The following ZNF398 variants were observed in gnomAD, a reference collection of about 807,000 sequenced individuals.
ZNF398 encodes the protein zinc finger protein 398, also known as zinc finger DNA binding protein ZER6.
Under a neutral mutation model 41.9 loss-of-function variants are expected in ZNF398, and 18 were observed. The ratio of observed to expected loss-of-function variants is 0.43; its 90% CI spans 0.30 to 0.64. The LOEUF (loss-of-function observed/expected upper bound fraction) is 0.64. ZNF398 is among the 30% of genes least tolerant of loss of function. The pLI is 0.14. For synonymous variants in ZNF398, 260 were observed against 308.8 expected (o/e 0.84, Z 1.66); for missense variants, 669 against 822.8 (o/e 0.81, Z 2.29).
At chr7:149,163,441 C>T (rs1353691857) in intron 2 of ZNF398, among the ~76,000 whole-genome samples, 3 of 146,258 alleles carry the variant, frequency 2.1e-5, no homozygotes, top group Non-Finnish European at 3.0e-5. Flanking sequence ...GGTGTGATCT[C>T]GGCTCACCGC....
rs962797672 is a variant in ZNF398 at position 149,147,475 on chromosome 7, C to A, written c.-268C>A. On this transcript the variant is annotated 5_prime_UTR_variant, in exon 1 of 6. Transcript: ENST00000475153. The surrounding 1 kb of genome is among the most constrained non-coding windows in gnomAD (Gnocchi z 5.6). ...GGTGCACTCGCTGCCCACAAAGCGC[C>A]AGCTGAGGGGCCGCTGCGGGTGGAG... The A allele has an allele frequency of 3.6e-6, 1 of 279,210 alleles. No homozygotes were observed. The highest frequency in any genetic ancestry group is 6.4e-5 in the East Asian group (1 of 15,732). The allele number at this position is 279,210 out of a possible 1,614,324, so 17.3% of individuals were successfully genotyped here.
At chr7:149,133,608 G>A (rs1336565015) in intron 2 of ZNF398, among the ~76,000 whole-genome samples, 1 of 147,038 alleles carries the variant, frequency 6.8e-6, no homozygotes, top group Non-Finnish European at 1.5e-5. Flanking sequence ...TGGGATTACA[G>A]GGGTGAGCCA....
Position 149,176,395 on chromosome 7 carries a change from G to T in ZNF398, c.662-73G>T. 6.7e-6 allele frequency: 7 copies of T among 1,050,710 alleles called. 1 individual carries two copies. The South Asian group carries it at 8.9e-5, about 13-fold the overall frequency. The allele number at this position is 1,050,710 out of a possible 1,614,324, so 65.1% of individuals were successfully genotyped here. A position where few individuals can be genotyped will look rare whatever the true frequency, so the allele number is the denominator to read the frequency against. ...TATTTGGGGCAAAATATAGTGTTCA[G>T]CAAACCAACTTGATTATCTTACCTT... On this transcript the variant is annotated intron_variant, in intron 4 of 5. Transcript: ENST00000475153.
upstream of ZNF398, among the ~76,000 whole-genome samples, chr7:149,143,887 T>G (rs1826879547): frequency 6.6e-6 from 1 of 152,170 alleles, no homozygotes; most frequent in African/African-American, 2.4e-5. Flanking sequence ...TCCAAACTTT[T>G]AGGACAATTT....
chr7:149,179,913 A>C lies in ZNF398; in HGVS notation c.*112A>C. ...CACAGTAATTATTATCTGGCACATC[A>C]ATGAATTTGGGGTCCTATACACTTG... On this transcript the variant is annotated 3_prime_UTR_variant, in exon 6 of 6. Coordinates refer to ENST00000475153, the MANE Select transcript of ZNF398 (RefSeq NM_170686.3). This position sits in a 1 kb window ranked among gnomAD's most constrained non-coding sequence, Gnocchi z 6.1. 9.5e-7 allele frequency: 1 copy of C among 1,054,188 alleles called. No homozygotes were observed. The highest frequency in any genetic ancestry group is 1.3e-6 in the Non-Finnish European group (1 of 752,952). 65.3% of individuals were successfully genotyped at this position (1,054,188 alleles called of 1,614,324 possible).
chr7:149,156,504 C>CA (rs1184656145), intron 2 of ZNF398, among the ~76,000 whole-genome samples: 1,460 of 35,246 alleles, frequency 0.041, 37 homozygotes, highest in Non-Finnish European at 0.052. Context: ...GACTCCATCT[C>CA]AAAAAAAAAA....
chr7:149,174,988 T>C (rs1795432004), intron 4 of ZNF398, among the ~76,000 whole-genome samples: 1 of 152,164 alleles, frequency 6.6e-6, no homozygotes, highest in South Asian at 2.1e-4. Context: ...AAAGATAAGA[T>C]TGGACTATGT....
intron 2 of ZNF398, among the ~76,000 whole-genome samples, chr7:149,157,133 G>C (rs1390660824): frequency 6.6e-6 from 1 of 152,082 alleles, no homozygotes; most frequent in African/African-American, 2.4e-5. Context: ...AATACCTTGG[G>C]AAAGTGTGGC....
At chr7:149,152,461 C>T (rs981699077) in intron 1 of ZNF398, among the ~76,000 whole-genome samples, 6 of 151,564 alleles carry the variant, frequency 4.0e-5, no homozygotes, top group African/African-American at 9.7e-5. Context: ...AGGGTTTCAC[C>T]GTGTTAGCCA....
intron 5 of ZNF398, among the ~76,000 whole-genome samples, chr7:149,177,835 A>G (rs756438850): frequency 5.3e-5 from 8 of 152,218 alleles, no homozygotes; most frequent in Non-Finnish European, 1.2e-4. Flanking sequence ...CAGATAGCAT[A>G]GAAGAGGTAC....
At chr7:149,133,654 AATATAT>A (rs146151029) in intron 2 of ZNF398, among the ~76,000 whole-genome samples, 1,291 of 71,810 alleles carry the variant, frequency 0.018, 61 homozygotes, top group African/African-American at 0.055. Flanking sequence ...GTGTTTTTTA[AATATAT>A]ATATATATAT....
At chr7:149,156,815 T>C (rs577686091) in intron 2 of ZNF398, among the ~76,000 whole-genome samples, 9 of 149,460 alleles carry the variant, frequency 6.0e-5, no homozygotes, top group Non-Finnish European at 3.0e-5. Flanking sequence ...GAGGGGAGAT[T>C]GTACCACTGA....
chr7:149,142,105 T>C (rs1423348009), intron 2 of ZNF398, among the ~76,000 whole-genome samples: 1 of 152,156 alleles, frequency 6.6e-6, no homozygotes, highest in Non-Finnish European at 1.5e-5. Flanking sequence ...TGAGTCACCG[T>C]GCCTGGACTA....
At position 149,182,342 on chromosome 7, in the gene ZNF398, C is replaced by T. The variant is rs571907456; in HGVS notation, c.*2541C>T. 6.6e-6 allele frequency: 1 copy of T among 152,340 alleles called. No individual in the cohort carries two copies. Among genetic ancestry groups the T allele is most frequent in the African/African-American group, 2.4e-5 (1 of 41,578 alleles). 9.4% of individuals were successfully genotyped at this position (152,340 alleles called of 1,614,324 possible). A position where few individuals can be genotyped will look rare whatever the true frequency, so the allele number is the denominator to read the frequency against. ...AGAATAAAAGAGAGTTCAACTGTTA[C>T]TCTTTTCTTTCATCAATCCCCTATC... On this transcript the variant is annotated 3_prime_UTR_variant, in exon 6 of 6. Transcript: ENST00000475153.
intron 4 of ZNF398, among the ~76,000 whole-genome samples, chr7:149,173,091 C>CTTTTTTTTT (rs1795382614): frequency 8.9e-5 from 6 of 67,194 alleles, no homozygotes; most frequent in African/African-American, 2.6e-4. Context: ...GTGGCAATTT[C>CTTTTTTTTT]TATTTTTTTT....
intron 2 of ZNF398, among the ~76,000 whole-genome samples, chr7:149,138,297 T>C (rs1826755725): frequency 6.6e-6 from 1 of 152,070 alleles, no homozygotes; most frequent in South Asian, 2.1e-4. Flanking sequence ...ACAGTATTTA[T>C]GGCTGGGTGC....
At chr7:149,166,363 A>T (rs1283727189) in intron 3 of ZNF398, 79 bp downstream of exon 3, 19 of 1,550,904 alleles carry the variant, frequency 1.2e-5, no homozygotes, top group Admixed American at 7.3e-5. Context: ...TCCTCCAGTG[A>T]CCTCATTCTC....
chr7:149,140,068 G>A (rs142223312), intron 2 of ZNF398, among the ~76,000 whole-genome samples: 71 of 152,144 alleles, frequency 4.7e-4, no homozygotes, highest in Non-Finnish European at 6.8e-4. Flanking sequence ...GTGCTTTAAT[G>A]TTCAAATCCT....
Position 149,147,828 on chromosome 7 carries a change from C to A in ZNF398, c.24+62C>A. The A allele has an allele frequency of 1.5e-6, 2 of 1,323,276 alleles. No individual in the cohort carries two copies. The highest frequency in any genetic ancestry group is 2.0e-5 in the South Asian group (1 of 50,842). The allele number at this position is 1,323,276 out of a possible 1,614,324, so 82.0% of individuals were successfully genotyped here. The stretch of plus-strand genomic sequence containing the variant: ...AGACCCAGACCCCGAGGGAGGAAGG[C>A]GGGCGGGCAGGGAGCTGCCAGGCAT... On this transcript the variant is annotated intron_variant, in intron 1 of 5. Coordinates refer to ENST00000475153, the MANE Select transcript of ZNF398 (RefSeq NM_170686.3). This position sits in a 1 kb window ranked among gnomAD's most constrained non-coding sequence, Gnocchi z 5.6.
Sources: gnomAD v4.1 joint callset for allele counts (sites outside exome capture counted in the v4.1 genomes callset) on GRCh38, gnomAD v4.1.1 for gene constraint, Gnocchi (gnomAD v3.1) non-coding constraint, MANE v1.5 for transcripts, NCBI Gene and HGNC (gene_info 2026-07-23, HGNC 2026-07-21) for gene names.